NTM: variants seen among roughly 807,000 people sequenced by gnomAD.
The protein encoded by NTM is IgLON family member 2.
Under a neutral mutation model 42.1 loss-of-function variants are expected in NTM, and 13 were observed. The ratio of observed to expected loss-of-function variants is 0.31; its 90% CI spans 0.20 to 0.49. The LOEUF (loss-of-function observed/expected upper bound fraction) is 0.49, where lower values mean the gene tolerates loss of function less well. NTM is among the 20% of genes least tolerant of loss of function. The pLI is 0.99. For synonymous variants in NTM, 187 were observed against 179.2 expected (o/e 1.04, Z -0.35); for missense variants, 373 against 452.8 (o/e 0.82, Z 1.60).
chr11:132,081,982 A>C (rs542466369), intron 2 of NTM, among the ~76,000 whole-genome samples: 5 of 148,658 alleles, frequency 3.4e-5, no homozygotes, highest in African/African-American at 1.2e-4. Context: ...AAATAATGCA[A>C]TTGCTGGCAC....
intron 1 of NTM, among the ~76,000 whole-genome samples, chr11:131,793,331 CTCTG>C (rs1296720186): frequency 6.6e-6 from 1 of 152,168 alleles, no homozygotes; most frequent in African/African-American, 2.4e-5. Context: ...GAAAGACCAT[CTCTG>C]TCTTTTTGTA....
chr11:131,996,126 G>T (rs958464734), intron 2 of NTM, among the ~76,000 whole-genome samples: 1 of 152,194 alleles, frequency 6.6e-6, no homozygotes, highest in African/African-American at 2.4e-5. Flanking sequence ...CTGCCCTAAA[G>T]AATTTGGACT....
At chr11:131,609,906 T>G (rs1015972235) in intron 1 of NTM, among the ~76,000 whole-genome samples, 1 of 152,218 alleles carries the variant, frequency 6.6e-6, no homozygotes, top group Admixed American at 6.5e-5. Flanking sequence ...TCAGGTTACC[T>G]GTTTTTCTTT....
chr11:132,051,643 C>G (rs559072206), intron 2 of NTM, among the ~76,000 whole-genome samples: 176 of 152,310 alleles, frequency 1.2e-3, no homozygotes, highest in African/African-American at 3.9e-3. Context: ...GCTGGCAGGA[C>G]TGGCACAGGA....
Position 131,937,328 on chromosome 11 carries a change from T to A in NTM, c.167+25680T>A, listed in dbSNP as rs546376598. ...TCTAGCTCTTAATGTTTGTTAATAT[T>A]CTGTGTATTGCTTCTTGTTCTATTA... On this transcript the variant is annotated intron_variant, in intron 2 of 8. Transcript: ENST00000683400. Among the ~76,000 whole-genome samples the A allele has an allele frequency of 9.8e-5, 15 of 152,364 alleles. 1 individual carries two copies. The highest frequency in any genetic ancestry group is 3.6e-4 in the African/African-American group (15 of 41,588).
chr11:131,993,895 C>A (rs1169520201), intron 2 of NTM, among the ~76,000 whole-genome samples: 1 of 151,260 alleles, frequency 6.6e-6, no homozygotes, highest in Non-Finnish European at 1.5e-5. Flanking sequence ...CCCAGCTACT[C>A]AGGAGGCTGA....
At chr11:131,697,386 A>G (rs573719055) in intron 1 of NTM, among the ~76,000 whole-genome samples, 2 of 152,336 alleles carry the variant, frequency 1.3e-5, no homozygotes, top group South Asian at 2.1e-4. Context: ...ATTGTTTTAC[A>G]TATTGGCTGA....
At chr11:131,376,182 C>T (rs1245139030) in intron 1 of NTM, among the ~76,000 whole-genome samples, 1 of 152,154 alleles carries the variant, frequency 6.6e-6, no homozygotes, top group Non-Finnish European at 1.5e-5. Context: ...GGCCAACGGA[C>T]CATGGGCGAG....
At chr11:131,924,181 G>A (rs75353420) in intron 2 of NTM, among the ~76,000 whole-genome samples, 1,997 of 152,340 alleles carry the variant, frequency 0.013, 41 homozygotes, top group African/African-American at 0.046. Context: ...ACACTCTACA[G>A]TTACACAGAC....
At chr11:131,575,232 A>G (rs1374627392) in intron 1 of NTM, among the ~76,000 whole-genome samples, 1 of 152,210 alleles carries the variant, frequency 6.6e-6, no homozygotes, top group East Asian at 1.9e-4. Flanking sequence ...CCAGTTTAAC[A>G]TTGTTAAATT....
At chr11:131,758,049 C>T (rs114618128) in intron 1 of NTM, among the ~76,000 whole-genome samples, 3 of 152,266 alleles carry the variant, frequency 2.0e-5, no homozygotes, top group Admixed American at 6.5e-5. Flanking sequence ...AGATGGTCAC[C>T]GGACACTACA....
At chr11:131,694,071 A>C (rs1204348164) in intron 1 of NTM, among the ~76,000 whole-genome samples, 1 of 152,230 alleles carries the variant, frequency 6.6e-6, no homozygotes, top group Non-Finnish European at 1.5e-5. Flanking sequence ...CTCCTCTGTC[A>C]CATGGATCTA....
intron 2 of NTM, among the ~76,000 whole-genome samples, chr11:131,977,964 A>G (rs543491302): frequency 3.3e-5 from 5 of 152,228 alleles, no homozygotes; most frequent in Non-Finnish European, 7.3e-5. Context: ...CAAGTCAGGA[A>G]GGATGGCAGT....
chr11:132,237,555 G>T (rs1204332915), intron 4 of NTM, among the ~76,000 whole-genome samples: 1 of 152,178 alleles, frequency 6.6e-6, no homozygotes, highest in African/African-American at 2.4e-5. Flanking sequence ...CAGCCCGTTT[G>T]TGGACATTCT....
At chr11:131,464,168 C>G (rs1287409597) in intron 1 of NTM, among the ~76,000 whole-genome samples, 1 of 152,076 alleles carries the variant, frequency 6.6e-6, no homozygotes. Flanking sequence ...AGGAAGCTGG[C>G]CCCTTGGTTC....
At chr11:131,461,211 G>A (rs11222645) in intron 1 of NTM, among the ~76,000 whole-genome samples, 25,316 of 152,118 alleles carry the variant, frequency 0.17, 3,049 homozygotes, top group East Asian at 0.55. Flanking sequence ...CCAATCTTCT[G>A]ACAATAAGAC....
chr11:131,423,685 C>T (rs978217305), intron 1 of NTM, among the ~76,000 whole-genome samples: 6 of 152,134 alleles, frequency 3.9e-5, no homozygotes, highest in Non-Finnish European at 5.9e-5. Context: ...CTAGCAGCCC[C>T]GAGACCATGA....
chr11:131,875,987 G>A (rs902809292), intron 1 of NTM, among the ~76,000 whole-genome samples: 1 of 152,226 alleles, frequency 6.6e-6, no homozygotes, highest in Non-Finnish European at 1.5e-5. Flanking sequence ...GTCGGGCCCA[G>A]GAGTGACACT....
At chr11:131,813,147 A>G (rs1394841229) in intron 1 of NTM, among the ~76,000 whole-genome samples, 1 of 152,224 alleles carries the variant, frequency 6.6e-6, no homozygotes, top group East Asian at 1.9e-4. Flanking sequence ...ACTGTCATTC[A>G]GCGTGTAGTG....
Sources: allele counts gnomAD v4.1 joint callset (sites outside exome capture counted in the v4.1 genomes callset), GRCh38; gene constraint gnomAD v4.1.1; transcripts MANE v1.5; gene names NCBI Gene and HGNC (gene_info 2026-07-23, HGNC 2026-07-21).